Variants in PGLYRP3 observed in about 807,000 individuals in gnomAD.
The protein encoded by PGLYRP3 is peptidoglycan recognition protein I alpha.
A neutral mutation model predicts 36.0 loss-of-function variants in PGLYRP3; 39 were observed. The ratio of observed to expected loss-of-function variants is 1.08; its 90% CI spans 0.84 to 1.41. The LOEUF (loss-of-function observed/expected upper bound fraction) is 1.41, where lower values mean the gene tolerates loss of function less well. PGLYRP3 is among the 40% of genes most tolerant of loss of function. The pLI, the probability that PGLYRP3 is intolerant of heterozygous loss-of-function variation, is 0.00. For missense variants in PGLYRP3, 407 were observed against 427.9 expected (o/e 0.95, Z 0.43); for synonymous variants, 204 against 172.8 (o/e 1.18, Z -1.42).
chr1:153,312,216 T>C (rs1659910897), intron 1 of PGLYRP3, among the ~76,000 whole-genome samples: 1 of 152,132 alleles, frequency 6.6e-6, no homozygotes, highest in African/African-American at 2.4e-5. Flanking sequence ...ACTGATAATG[T>C]CTCCAATCCA....
chr1:153,302,223 G>A (rs572898742), intron 6 of PGLYRP3, among the ~76,000 whole-genome samples, 186 bp downstream of exon 6: 62 of 152,286 alleles, frequency 4.1e-4, no homozygotes, highest in African/African-American at 1.4e-3. Context: ...ACGTCCAAGC[G>A]AGGTAACTGA....
intron 7 of PGLYRP3, 89 bp downstream of exon 7, chr1:153,299,024 T>C (rs532048211): frequency 9.4e-7 from 1 of 1,061,490 alleles, no homozygotes; most frequent in East Asian, 2.4e-5. Context: ...TGCCAGGCAC[T>C]ACAGGGCTGC....
intron 3 of PGLYRP3, among the ~76,000 whole-genome samples, chr1:153,306,721 C>T (rs1659746870): frequency 6.6e-6 from 1 of 152,188 alleles, no homozygotes; most frequent in South Asian, 2.1e-4. Context: ...ACCCATTTCT[C>T]AGAGTAGCTG....
intron 7 of PGLYRP3, 61 bp from the exon 8 acceptor site, chr1:153,298,195 G>T (rs1659490391): frequency 1.9e-6 from 3 of 1,551,632 alleles, no homozygotes; most frequent in African/African-American, 2.7e-5. Flanking sequence ...TTAGGGAAGG[G>T]ACAAGCACCT....
chr1:153,302,179 T>G (rs780365275), intron 6 of PGLYRP3, among the ~76,000 whole-genome samples: 6 of 152,206 alleles, frequency 3.9e-5, no homozygotes, highest in Non-Finnish European at 8.8e-5. Flanking sequence ...TCTAATGCCT[T>G]CTTTTCAGAA....
At chr1:153,307,681 C>T (rs6702188) in intron 2 of PGLYRP3, among the ~76,000 whole-genome samples, 2,466 of 152,270 alleles carry the variant, frequency 0.016, 70 homozygotes, top group African/African-American at 0.056. Context: ...CTGGTCTCAA[C>T]TGTGTCTCTT....
intron 6 of PGLYRP3, 70 bp from the exon 7 acceptor site, chr1:153,299,301 T>C (rs1206551320): frequency 9.4e-7 from 1 of 1,068,826 alleles, no homozygotes; most frequent in Non-Finnish European, 1.4e-6. Context: ...ATTCACTCCT[T>C]CAACCACTCA....
At position 153,302,582 on chromosome 1, in the gene PGLYRP3, AGATCGTTT is replaced by A; in HGVS notation, c.547_554del (p.Lys183CysfsTer11). ...AGTGTGTCTCTCTGGCTTCCCAAGC[AGATCGTTT>A]GATGATGTTGGGGCAAACTGTGGTA... On this transcript the variant is annotated frameshift_variant, in exon 6 of 8. Coordinates refer to ENST00000683862, the MANE Select transcript of PGLYRP3 (RefSeq NM_052891.3). LOFTEE classifies it high-confidence loss of function. The A allele has an allele frequency of 1.2e-6, 2 of 1,614,204 alleles. No individual in the cohort carries two copies. The highest frequency in any genetic ancestry group is 1.7e-6 in the Non-Finnish European group (2 of 1,180,038).
intron 3 of PGLYRP3, among the ~76,000 whole-genome samples, chr1:153,305,952 T>C (rs1659729369): frequency 6.6e-6 from 1 of 152,216 alleles, no homozygotes; most frequent in Non-Finnish European, 1.5e-5. Flanking sequence ...CTGGAGATTG[T>C]CAAGTTGTCA....
rs1349178243 is a variant in PGLYRP3, at chr1:153,307,200, G to A, written c.123C>T (p.Thr41=). 5 of 1,612,088 alleles carry A rather than the reference G, an allele frequency of 3.1e-6. No individual in the cohort carries two copies. Among genetic ancestry groups the A allele is most frequent in the Non-Finnish European group, 4.2e-6 (5 of 1,179,284 alleles). The change falls in exon 3 of 8, where the codon ACC becomes ACT. Residue 41 remains threonine, a synonymous_variant. Transcript: ENST00000683862. ...CTGTGATGATGTAGGCCACAGGCAG[G>A]GTCAGCAGGGCCCTGCAGGCGAGCG... ...ARPLACRALL[T]LPVAYIITDQ... is the part of the protein sequence containing the mutation.
chr1:153,310,128 A>G (rs1358982709), intron 2 of PGLYRP3, among the ~76,000 whole-genome samples: 4 of 152,242 alleles, frequency 2.6e-5, no homozygotes, highest in Admixed American at 6.5e-5. Flanking sequence ...TCTTATGTAT[A>G]TAACGATAAG....
chr1:153,306,417 A>G (rs1023195276), intron 3 of PGLYRP3, among the ~76,000 whole-genome samples: 4 of 152,152 alleles, frequency 2.6e-5, no homozygotes, highest in African/African-American at 9.7e-5. Flanking sequence ...TGCACAGTGC[A>G]CAGCTCCTTC....
chr1:153,298,380 G>T (rs1186757218), intron 7 of PGLYRP3, among the ~76,000 whole-genome samples: 1 of 152,138 alleles, frequency 6.6e-6, no homozygotes, highest in Non-Finnish European at 1.5e-5. Flanking sequence ...AGGGGGCCAG[G>T]TGCAGTAGCT....
chr1:153,308,722 T>A (rs1557812149), intron 2 of PGLYRP3, among the ~76,000 whole-genome samples: 2 of 152,104 alleles, frequency 1.3e-5, no homozygotes, highest in Middle Eastern at 3.2e-3. Context: ...CAGCCTCTCC[T>A]CCTCCCCAGG....
chr1:153,307,164 T>C lies in PGLYRP3; in HGVS notation c.159A>G (p.Pro53=). The C allele has an allele frequency of 6.2e-7, 1 of 1,611,966 alleles. No homozygotes were observed. The highest frequency in any genetic ancestry group is 1.1e-5 in the South Asian group (1 of 90,482). The part of the protein sequence containing the change: ...PVAYIITDQL[P]GMQCQQQSVC... ...CGCTCTGCTGCTGGCACTGCATCCC[T>C]GGGAGCTGGTCTGTGATGATGTAGG... Residue 53 remains proline (P), a synonymous_variant, in exon 3 of 8, where the codon CCA becomes CCG. Coordinates refer to ENST00000683862, the MANE Select transcript of PGLYRP3 (RefSeq NM_052891.3).
chr1:153,312,602 T>TACACAC (rs3840431), intron 1 of PGLYRP3, among the ~76,000 whole-genome samples, 41 bp downstream of exon 1: 53,658 of 149,934 alleles, frequency 0.36, 9,905 homozygotes, highest in Non-Finnish European at 0.42. Context: ...TCTAAAGAAA[T>TACACAC]ACACACACAC....
rs1659458687 is a variant in PGLYRP3, at chr1:153,297,525, AGGAAGGAAGGAAGGAAGGAAGGAAGG to A, written c.*405_*430del. ...AAGGAAGGAAGGAAGGAAGGAAGGA[AGGAAGGAAGGAAGGAAGGAAGGAAGG>A]AAAGAAAGAAAAAGAAAGAAAGAAA... is the stretch of plus-strand genomic sequence containing the variant. On this transcript the variant is annotated 3_prime_UTR_variant, in exon 8 of 8. Transcript: ENST00000683862. Among the ~76,000 whole-genome samples, 1 of 83,598 alleles carries A rather than the reference AGGAAGGAAGGAAGGAAGGAAGGAAGG, an allele frequency of 1.2e-5. No individual in the cohort carries two copies. Among genetic ancestry groups the A allele is most frequent in the Admixed American group, 1.0e-4 (1 of 9,550 alleles). The allele number at this position is 83,598 out of a possible 152,430, so 54.8% of individuals were successfully genotyped here. A position where few individuals can be genotyped will look rare whatever the true frequency, so the allele number is the denominator to read the frequency against.
chr1:153,298,271 G>A (rs1415421184), intron 7 of PGLYRP3, 137 bp from the exon 8 acceptor site: 19 of 951,520 alleles, frequency 2.0e-5, no homozygotes, highest in South Asian at 6.7e-5. Flanking sequence ...ACACATTTAC[G>A]TAAATTGTGG....
rs1223142864 is a variant in PGLYRP3 at position 153,303,805 on chromosome 1, A to G, written c.529+52T>C. 3 of 1,553,668 alleles carry G rather than the reference A, an allele frequency of 1.9e-6. No individual in the cohort carries two copies. In the Admixed American group the frequency reaches 5.2e-5, roughly 27 times the overall value. Reference sequence around the variant, plus strand: ...AAAGCACTCCCAAACATGACTCCAAACATGGCTAGGTGGTGACGAGGAGGA... The same window carrying G: ...AAAGCACTCCCAAACATGACTCCAAGCATGGCTAGGTGGTGACGAGGAGGA... On this transcript the variant is annotated intron_variant, in intron 5 of 7. Coordinates refer to ENST00000683862, the MANE Select transcript of PGLYRP3 (RefSeq NM_052891.3).
Sources: allele counts gnomAD v4.1 joint callset (sites outside exome capture counted in the v4.1 genomes callset), GRCh38; gene constraint gnomAD v4.1.1; transcripts MANE v1.5; gene names NCBI Gene and HGNC (gene_info 2026-07-23, HGNC 2026-07-21).